Variants in NCKAP5 observed in about 807,000 individuals in gnomAD.
NCKAP5 encodes NCK associated protein 5, also known as nck-associated protein 5.
NCKAP5 carries 92 observed loss-of-function variants against 167.0 expected under a neutral mutation model. The observed-to-expected ratio is 0.55, with a 90% confidence interval of 0.47 to 0.66. NCKAP5 has a LOEUF of 0.66. Among genes scored for constraint, NCKAP5 ranks in the 30% least tolerant of loss-of-function variants. The pLI is 0.00. For synonymous variants in NCKAP5, 891 were observed against 877.4 expected (o/e 1.02, Z -0.27); for missense variants, 2,378 against 2,315.0 (o/e 1.03, Z -0.56).
intron 2 of NCKAP5, among the ~76,000 whole-genome samples, chr2:133,536,676 T>C (rs931629728): frequency 6.6e-6 from 1 of 152,038 alleles, no homozygotes; most frequent in Non-Finnish European, 1.5e-5. Flanking sequence ...TATTATTGAG[T>C]TCTAAGAGTT....
At chr2:133,466,300 G>C (rs1414872623) in intron 3 of NCKAP5, among the ~76,000 whole-genome samples, 4 of 147,686 alleles carry the variant, frequency 2.7e-5, no homozygotes, top group South Asian at 4.4e-4. Flanking sequence ...TCTCAGGTTT[G>C]TCAAAGATCA....
In NCKAP5 at chr2:132,946,524, CT is replaced by C. The variant is rs372150646; in HGVS notation, c.579+17195del. On this transcript the variant is annotated intron_variant, in intron 8 of 19. Transcript: ENST00000409261. ...ATGTCCCAAAAACATCTTAATTTCT[CT>C]GTTGAAAAGCTGACAAGGAAATGAA... Among the ~76,000 whole-genome samples the C allele has an allele frequency of 1.2e-4, 19 of 152,254 alleles. No homozygotes were observed. In the South Asian group the frequency reaches 3.5e-3, roughly 28 times the overall value.
chr2:132,961,216 C>T (rs185211057), intron 8 of NCKAP5, among the ~76,000 whole-genome samples: 96 of 151,776 alleles, frequency 6.3e-4, no homozygotes, highest in Admixed American at 2.4e-3. Context: ...AGATCCTAGA[C>T]ACTGAGAATA....
intron 4 of NCKAP5, among the ~76,000 whole-genome samples, chr2:133,238,964 A>C (rs1393023173): frequency 6.6e-6 from 1 of 152,176 alleles, no homozygotes; most frequent in Non-Finnish European, 1.5e-5. Flanking sequence ...ATTCCAGGTT[A>C]ATAGTGAACC....
intron 3 of NCKAP5, among the ~76,000 whole-genome samples, chr2:133,469,186 G>A (rs1692844700): frequency 6.6e-6 from 1 of 151,934 alleles, no homozygotes; most frequent in Non-Finnish European, 1.5e-5. Context: ...TCCTTCAGGA[G>A]CTCTTTTAGG....
chr2:132,906,328 A>G (rs1411424292), intron 8 of NCKAP5, among the ~76,000 whole-genome samples: 1 of 152,200 alleles, frequency 6.6e-6, no homozygotes, highest in Non-Finnish European at 1.5e-5. Flanking sequence ...GATGTGGGAC[A>G]AATTAGCTGT....
intron 2 of NCKAP5, among the ~76,000 whole-genome samples, chr2:133,553,832 T>C (rs982285404): frequency 7.9e-5 from 12 of 152,238 alleles, no homozygotes; most frequent in African/African-American, 2.9e-4. Flanking sequence ...TTGTTATCTA[T>C]TGCTGTGTAA....
the NCKAP5 span, among the ~76,000 whole-genome samples, chr2:133,601,861 C>T: frequency 6.6e-5 from 10 of 152,094 alleles, no homozygotes; most frequent in Non-Finnish European, 1.5e-4. Flanking sequence ...AAGGTGAGTG[C>T]AGTCATAGTA....
At chr2:133,181,223 T>A (rs1471202579) in intron 5 of NCKAP5, among the ~76,000 whole-genome samples, 1 of 152,126 alleles carries the variant, frequency 6.6e-6, no homozygotes, top group African/African-American at 2.4e-5. Flanking sequence ...GACAAAGATT[T>A]CTGTACTTTA....
At chr2:133,196,026 G>A (rs569187723) in intron 5 of NCKAP5, among the ~76,000 whole-genome samples, 36 of 152,230 alleles carry the variant, frequency 2.4e-4, no homozygotes, top group African/African-American at 8.7e-4. Flanking sequence ...TTCTTTCTGG[G>A]TAAAACGATG....
intron 5 of NCKAP5, among the ~76,000 whole-genome samples, chr2:133,157,193 C>A (rs1030949635): frequency 5.9e-5 from 9 of 152,160 alleles, no homozygotes; most frequent in African/African-American, 2.2e-4. Flanking sequence ...GTAAGTATAT[C>A]TTATCTTTCA....
chr2:132,749,279 C>CTACA (rs1679906513), intron 16 of NCKAP5, among the ~76,000 whole-genome samples: 1 of 152,112 alleles, frequency 6.6e-6, no homozygotes, highest in Non-Finnish European at 1.5e-5. Context: ...TCTCCACTCA[C>CTACA]TACAACCTTC....
At chr2:133,036,825 C>G (rs957859821) in intron 6 of NCKAP5, among the ~76,000 whole-genome samples, 1 of 151,980 alleles carries the variant, frequency 6.6e-6, no homozygotes, top group Non-Finnish European at 1.5e-5. Flanking sequence ...CTGGAGCAAT[C>G]AGACAAGAGA....
At chr2:132,884,189 G>C (rs949296205) in intron 8 of NCKAP5, among the ~76,000 whole-genome samples, 15 of 152,180 alleles carry the variant, frequency 9.9e-5, no homozygotes, top group African/African-American at 3.6e-4. Flanking sequence ...CGTTCTTTCA[G>C]GTCTCATAAT....
intron 3 of NCKAP5, among the ~76,000 whole-genome samples, chr2:133,507,219 C>T (rs1683092536): frequency 6.6e-6 from 1 of 152,190 alleles, no homozygotes; most frequent in Non-Finnish European, 1.5e-5. Flanking sequence ...AAACGGCAGG[C>T]CTCTGCAAAC....
At chr2:132,741,767 T>A (rs961918038) in intron 16 of NCKAP5, among the ~76,000 whole-genome samples, 9 of 152,100 alleles carry the variant, frequency 5.9e-5, no homozygotes, top group African/African-American at 2.2e-4. Context: ...TTTTTCTAAT[T>A]GAAGAAATGC....
intron 5 of NCKAP5, among the ~76,000 whole-genome samples, chr2:133,208,622 C>T (rs557806721): frequency 2.0e-5 from 3 of 152,198 alleles, no homozygotes; most frequent in Middle Eastern, 3.4e-3. Context: ...TGGATTGGAT[C>T]CTGGAGCAGA....
intron 2 of NCKAP5, among the ~76,000 whole-genome samples, chr2:133,550,358 G>A (rs1296035186): frequency 6.6e-6 from 1 of 150,940 alleles, no homozygotes; most frequent in Non-Finnish European, 1.5e-5. Flanking sequence ...ATAAAATACT[G>A]GCAAAACGAA....
chr2:132,711,771 A>G (rs73957627), intron 19 of NCKAP5, among the ~76,000 whole-genome samples: 2,026 of 152,060 alleles, frequency 0.013, 47 homozygotes, highest in African/African-American at 0.046. Flanking sequence ...AATTAGGCCA[A>G]ATAAGGATAG....
Sources: allele counts gnomAD v4.1 joint callset (sites outside exome capture counted in the v4.1 genomes callset), GRCh38; gene constraint gnomAD v4.1.1; transcripts MANE v1.5; gene names NCBI Gene and HGNC (gene_info 2026-07-23, HGNC 2026-07-21).